The following OR1J2 variants were observed in gnomAD, a reference collection of about 807,000 sequenced individuals.
The protein encoded by OR1J2 is olfactory receptor family 1 subfamily J member 2.
For synonymous variants in OR1J2, 142 were observed against 99.7 expected, an observed-to-expected ratio of 1.42 and a Z score of -2.52; for missense variants, 304 against 246.1, an observed-to-expected ratio of 1.24 and a Z score of -1.57.
chr9:122,539,102 T>G, the OR1J2 span, among the ~76,000 whole-genome samples: 1 of 152,170 alleles, frequency 6.6e-6, no homozygotes, highest in African/African-American at 2.4e-5. Flanking sequence ...AAGCGTCCCT[T>G]TTGTTTTTAT....
At chr9:122,456,769 G>A in the OR1J2 span, among the ~76,000 whole-genome samples, 1 of 152,214 alleles carries the variant, frequency 6.6e-6, no homozygotes, top group African/African-American at 2.4e-5. Context: ...TTACATTGTT[G>A]CTGGGAATGT....
the OR1J2 span, among the ~76,000 whole-genome samples, chr9:122,466,820 GT>G: frequency 5.4e-5 from 8 of 147,860 alleles, no homozygotes; most frequent in Non-Finnish European, 7.5e-5. Flanking sequence ...AATTAGGAGT[GT>G]TTTTTTTTTG....
downstream of OR1J2, among the ~76,000 whole-genome samples, chr9:122,516,613 C>G (rs1828703677): frequency 6.6e-6 from 1 of 151,996 alleles, no homozygotes; most frequent in Admixed American, 6.5e-5. Context: ...CATACATGGT[C>G]TTTACATAGA....
the OR1J2 span, chr9:122,519,070 G>A: frequency 1.9e-6 from 2 of 1,067,874 alleles, no homozygotes; most frequent in South Asian, 1.5e-5. Context: ...ATCTGCTGCT[G>A]TAAATCAACA....
At chr9:122,496,117 G>A in the OR1J2 span, among the ~76,000 whole-genome samples, 1 of 152,126 alleles carries the variant, frequency 6.6e-6, no homozygotes, top group African/African-American at 2.4e-5. Context: ...ACTGTGTGAG[G>A]GTCCTTGGTT....
the OR1J2 span, among the ~76,000 whole-genome samples, chr9:122,487,980 A>G: frequency 1.8e-4 from 27 of 152,342 alleles, no homozygotes; most frequent in Admixed American, 5.9e-4. Flanking sequence ...GAGTTTGACA[A>G]TGTCTCAAAA....
rs776116518 is a variant in OR1J2 at position 122,511,308 on chromosome 9, T to G, written c.507T>G (p.Cys169Trp). 1.4e-6 allele frequency: 1 copy of G among 731,040 alleles called. No homozygotes were observed. The highest frequency in any genetic ancestry group is 2.4e-5 in the East Asian group (1 of 40,952). 45.3% of individuals were successfully genotyped at this position (731,040 alleles called of 1,614,324 possible). Reference protein sequence around the residue: ...HTLLLTRLSFCAANTIPHVFC... With the variant: ...HTLLLTRLSFWAANTIPHVFC... ...TTCTCCTGACCCGGCTGTCTTTCTG[T>G]GCTGCGAACACCATCCCCCATGTCT... The change falls in exon 1 of 1, where the codon TGT becomes TGG. Residue 169 changes from cysteine to tryptophan, a missense_variant. Transcript: ENST00000335302.
the OR1J2 span, chr9:122,526,944 G>GCC: frequency 1.2e-6 from 2 of 1,614,188 alleles, no homozygotes; most frequent in South Asian, 1.1e-5. Context: ...GCGGTCATAC[G>GCC]CCATGGCAGC....
At chr9:122,530,732 C>T in the OR1J2 span, among the ~76,000 whole-genome samples, 1 of 151,868 alleles carries the variant, frequency 6.6e-6, no homozygotes, top group East Asian at 1.9e-4. Context: ...AGGAGTGGGG[C>T]CGTTTTATAA....
At chr9:122,489,806 A>G in the OR1J2 span, among the ~76,000 whole-genome samples, 1 of 152,198 alleles carries the variant, frequency 6.6e-6, no homozygotes. Context: ...GTTGTAGGAA[A>G]ATACCCTTAC....
At chr9:122,461,228 C>T in the OR1J2 span, among the ~76,000 whole-genome samples, 3 of 151,942 alleles carry the variant, frequency 2.0e-5, no homozygotes, top group East Asian at 1.9e-4. Context: ...TGCCCCATTC[C>T]GTGTAATGTT....
At chr9:122,488,711 G>A in the OR1J2 span, among the ~76,000 whole-genome samples, 18 of 152,218 alleles carry the variant, frequency 1.2e-4, no homozygotes, top group African/African-American at 3.4e-4. Context: ...TAAAAGAGAC[G>A]GAGAATTAAG....
chr9:122,531,957 A>G, the OR1J2 span, among the ~76,000 whole-genome samples: 1 of 152,118 alleles, frequency 6.6e-6, no homozygotes, highest in African/African-American at 2.4e-5. Context: ...ATGTTGAGTA[A>G]AGCTAATTTG....
At position 122,510,845 on chromosome 9, in the gene OR1J2, T is replaced by C; in HGVS notation, c.44T>C (p.Leu15Pro). ...NQSSVSEFLL[L>P]GLPIRPEQQA... Reference sequence around the variant, plus strand: ...AGCAGCGTGTCCGAGTTCCTCCTTCTGGGCCTCCCCATCCGGCCAGAGCAG... The same window carrying C: ...AGCAGCGTGTCCGAGTTCCTCCTTCCGGGCCTCCCCATCCGGCCAGAGCAG... Residue 15 changes from leucine to proline, a missense_variant, in exon 1 of 1, where the codon CTG (leucine) becomes CCG (proline). Coordinates refer to ENST00000335302, the MANE Select transcript of OR1J2 (RefSeq NM_054107.1). The C allele has an allele frequency of 6.2e-7, 1 of 1,607,528 alleles. No homozygotes were observed. The highest frequency in any genetic ancestry group is 8.5e-7 in the Non-Finnish European group (1 of 1,174,794).
chr9:122,563,006 A>G, the OR1J2 span, among the ~76,000 whole-genome samples: 1 of 152,146 alleles, frequency 6.6e-6, no homozygotes, highest in Non-Finnish European at 1.5e-5. Context: ...TCTTTGACGT[A>G]CTTATTTCTT....
chr9:122,457,186 AG>A, the OR1J2 span, among the ~76,000 whole-genome samples: 465 of 152,242 alleles, frequency 3.1e-3, no homozygotes, highest in African/African-American at 0.011. Context: ...ACATGGACAC[AG>A]GGAGGGAATA....
chr9:122,448,535 G>C, the OR1J2 span, among the ~76,000 whole-genome samples: 1 of 152,122 alleles, frequency 6.6e-6, no homozygotes, highest in African/African-American at 2.4e-5. Context: ...GGATGGTTAG[G>C]TCTTTCCCAT....
At chr9:122,577,255 A>G in the OR1J2 span, among the ~76,000 whole-genome samples, 4,022 of 152,282 alleles carry the variant, frequency 0.026, 124 homozygotes, top group African/African-American at 0.071. Flanking sequence ...GTATAAGCCC[A>G]TATAGACATA....
chr9:122,521,230 T>C, the OR1J2 span, among the ~76,000 whole-genome samples: 2 of 152,330 alleles, frequency 1.3e-5, no homozygotes, highest in East Asian at 3.9e-4. Flanking sequence ...ACCTTCTCCA[T>C]CAGAGATGAG....
Sources: gnomAD v4.1 joint callset for allele counts (sites outside exome capture counted in the v4.1 genomes callset) on GRCh38, gnomAD v4.1.1 for gene constraint, MANE v1.5 for transcripts, NCBI Gene and HGNC (gene_info 2026-07-23, HGNC 2026-07-21) for gene names.